The following NRK variants were observed in gnomAD, a reference collection of about 807,000 sequenced individuals.
The protein encoded by NRK is nik-related protein kinase.
In NRK, 67 loss-of-function variants were observed where a neutral mutation model predicts 125.2. The observed-to-expected ratio is 0.54, with a 90% CI of 0.44 to 0.66. The LOEUF is 0.66. Among genes scored for constraint, NRK ranks in the 30% least tolerant of loss-of-function variants. NRK has a pLI of 0.00. For missense variants in NRK, 1,224 were observed against 1,192.9 expected (o/e 1.03, Z -0.38); for synonymous variants, 458 against 429.0 (o/e 1.07, Z -0.84).
At chrX:105,922,589 C>T (rs1003104437) in intron 17 of NRK, among the ~76,000 whole-genome samples, 5 of 111,583 alleles carry the variant, frequency 4.5e-5, no homozygotes, top group African/African-American at 1.3e-4. Flanking sequence ...TCTATGCTAC[C>T]GTACACACAT....
intron 18 of NRK, 22 bp from the exon 19 acceptor site, chrX:105,924,673 A>G: frequency 8.7e-7 from 1 of 1,149,911 alleles, no homozygotes; most frequent in East Asian, 3.2e-5. Context: ...ACTTTCTTTC[A>G]TTAATTGGAG....
At chrX:105,929,673 G>A (rs1333638414) in intron 19 of NRK, among the ~76,000 whole-genome samples, 1 of 110,634 alleles carries the variant, frequency 9.0e-6, no homozygotes, top group African/African-American at 3.3e-5. Flanking sequence ...TTCTATACCT[G>A]CTTTACAAGT....
At chrX:105,866,588 C>A (rs1425504041) in intron 2 of NRK, among the ~76,000 whole-genome samples, 1 of 111,377 alleles carries the variant, frequency 9.0e-6, no homozygotes, top group Non-Finnish European at 1.9e-5. Flanking sequence ...AAAGGAACAA[C>A]AAAATGATAA....
At chrX:105,952,837 T>G (rs2040917899) in intron 27 of NRK, among the ~76,000 whole-genome samples, 197 bp from the exon 28 acceptor site, 1 of 111,838 alleles carries the variant, frequency 8.9e-6, no homozygotes, top group Non-Finnish European at 1.9e-5. Context: ...CAATGGTGCC[T>G]TTAGATAGCC....
rs1207182694 is a variant in NRK, at chrX:105,909,307, C to G, written c.1666C>G (p.Pro556Ala). The change falls in exon 13 of 29, where the codon CCT becomes GCT. Residue 556 changes from proline to alanine, a missense_variant. Physicochemically the swap from Pro to Ala is conservative, Grantham distance 27 (BLOSUM62 -1). Transcript: ENST00000243300. Reference sequence around the variant, plus strand: ...ACAAGAGCTGGAGCAGAACCAGGCACCTGAACAGCCAGAGGTACAGGAACA... The same window carrying G: ...ACAAGAGCTGGAGCAGAACCAGGCAGCTGAACAGCCAGAGGTACAGGAACA... The part of the protein sequence containing the change: ...PEQELEQNQA[P>A]EQPEVQEQAA... 1 of 1,205,754 alleles carries G rather than the reference C, an allele frequency of 8.3e-7. No homozygotes were observed. The highest frequency in any genetic ancestry group is 1.1e-6 in the Non-Finnish European group (1 of 892,254).
intron 2 of NRK, among the ~76,000 whole-genome samples, chrX:105,860,899 C>T (rs2039593164): frequency 9.0e-6 from 1 of 110,806 alleles, no homozygotes; most frequent in Non-Finnish European, 1.9e-5. Context: ...TAGGTTGTTT[C>T]AGCTTTTGTG....
At chrX:105,892,066 G>A (rs1042348638) in intron 5 of NRK, among the ~76,000 whole-genome samples, 8 of 111,529 alleles carry the variant, frequency 7.2e-5, no homozygotes, top group Non-Finnish European at 1.5e-4. Flanking sequence ...TATATCAATT[G>A]AAAACTATCT....
intron 22 of NRK, among the ~76,000 whole-genome samples, chrX:105,938,943 G>C (rs780430980): frequency 7.8e-4 from 87 of 111,012 alleles, no homozygotes; most frequent in Non-Finnish European, 9.6e-4. Context: ...CAGAGCGAAG[G>C]GGGGAGAAGC....
chrX:105,938,800 A>G (rs956980616), intron 22 of NRK, among the ~76,000 whole-genome samples: 3 of 111,765 alleles, frequency 2.7e-5, no homozygotes, highest in African/African-American at 9.8e-5. Flanking sequence ...CCTGAGACTG[A>G]GTAATTTATA....
In NRK at chrX:105,850,140, A is replaced by G. The variant is rs750930409; in HGVS notation, c.123+19021A>G. 8.9e-5 allele frequency among the ~76,000 whole-genome samples: 10 copies of G among 112,657 alleles called. No individual in the cohort carries two copies. In the South Asian group the frequency reaches 3.3e-3, roughly 37 times the overall value. ...TCTAGGCGGAGGTTCCCAAACCTCA[A>G]TTCTTGACTTCAGTGCACCTGCAGG... On this transcript the variant is annotated intron_variant, in intron 2 of 28. Coordinates refer to ENST00000243300, the MANE Select transcript of NRK (RefSeq NM_198465.4).
At chrX:105,887,452 A>G (rs2039962173) in intron 4 of NRK, among the ~76,000 whole-genome samples, 1 of 112,031 alleles carries the variant, frequency 8.9e-6, no homozygotes, top group South Asian at 3.7e-4. Context: ...GTGTAGAGAA[A>G]GTGGAACCCC....
At chrX:105,875,523 A>G (rs1031402824) in intron 2 of NRK, among the ~76,000 whole-genome samples, 3 of 111,525 alleles carry the variant, frequency 2.7e-5, no homozygotes, top group African/African-American at 9.8e-5. Context: ...GAGTTTCATT[A>G]TCTTAATAAC....
rs781401605 is a variant in NRK, at chrX:105,906,397, T to C, written c.846-17T>C. 2.4e-5 allele frequency: 26 copies of C among 1,097,863 alleles called. No individual in the cohort carries two copies. In the East Asian group the frequency reaches 4.1e-4, roughly 17 times the overall value. The allele number at this position is 1,097,863 out of a possible 1,213,427, so 90.5% of individuals were successfully genotyped here. A position where few individuals can be genotyped will look rare whatever the true frequency, so the allele number is the denominator to read the frequency against. On this transcript the variant is annotated splice_polypyrimidine_tract_variant and intron_variant, in intron 10 of 28. Coordinates refer to ENST00000243300, the MANE Select transcript of NRK (RefSeq NM_198465.4). ...ACTGAGAACACTTTTTTTTCCTCTC[T>C]TTGACTCATTTTTTAGGTCCCGTAA...
At chrX:105,904,775 C>CT (rs2040200270) in intron 9 of NRK, among the ~76,000 whole-genome samples, 1 of 110,846 alleles carries the variant, frequency 9.0e-6, no homozygotes, top group Non-Finnish European at 1.9e-5. Flanking sequence ...TGCACTATAC[C>CT]TATTTTTTTT....
chrX:105,919,336 A>G (rs1161144203), intron 16 of NRK, among the ~76,000 whole-genome samples: 4 of 111,536 alleles, frequency 3.6e-5, no homozygotes, highest in African/African-American at 9.8e-5. Context: ...GTTATTTACC[A>G]TACCACAACT....
At chrX:105,824,323 G>C (rs2039063293) in intron 1 of NRK, among the ~76,000 whole-genome samples, 1 of 111,209 alleles carries the variant, frequency 9.0e-6, no homozygotes, top group Non-Finnish European at 1.9e-5. Flanking sequence ...GCCTCAATTG[G>C]TGGTTTCCTT....
chrX:105,935,157 T>C lies in NRK; in HGVS notation c.3500-13T>C. The C allele has an allele frequency of 8.6e-7, 1 of 1,159,769 alleles. No homozygotes were observed. Among genetic ancestry groups the C allele is most frequent in the Non-Finnish European group, 1.2e-6 (1 of 849,211 alleles). On this transcript the variant is annotated splice_polypyrimidine_tract_variant and intron_variant, in intron 20 of 28. Coordinates refer to ENST00000243300, the MANE Select transcript of NRK (RefSeq NM_198465.4). ...GTAATTTCCCTTATTATCTTCCCCT[T>C]ACATCTTTGCAGTATACGCTGGATT...
chrX:105,882,617 T>G (rs2147709651), intron 4 of NRK, among the ~76,000 whole-genome samples: 1 of 111,604 alleles, frequency 9.0e-6, no homozygotes, highest in Non-Finnish European at 1.9e-5. Flanking sequence ...ATTTTGTGAC[T>G]TAGTAAATAT....
At chrX:105,893,165 T>A (rs1427935624) in intron 5 of NRK, among the ~76,000 whole-genome samples, 1 of 111,787 alleles carries the variant, frequency 8.9e-6, no homozygotes, top group East Asian at 2.8e-4. Context: ...TACAATAAAA[T>A]CTGAATGAAA....
Sources: gnomAD v4.1 joint callset for allele counts (sites outside exome capture counted in the v4.1 genomes callset) on GRCh38, gnomAD v4.1.1 for gene constraint, MANE v1.5 for transcripts, NCBI Gene and HGNC (gene_info 2026-07-23, HGNC 2026-07-21) for gene names.